SERPINB3: variants seen among roughly 807,000 people sequenced by gnomAD.
SERPINB3 encodes the protein serpin B3.
Under a neutral mutation model 33.0 loss-of-function variants are expected in SERPINB3, and 33 were observed. The ratio of observed to expected loss-of-function variants is 1.00; its 90% CI spans 0.76 to 1.34. SERPINB3 has a LOEUF of 1.34. Among genes scored for constraint, SERPINB3 ranks in the 40% most tolerant of loss-of-function variants. SERPINB3 has a pLI of 0.00. For synonymous variants in SERPINB3, 200 were observed against 170.9 expected (o/e 1.17, Z -1.33); for missense variants, 518 against 461.5 (o/e 1.12, Z -1.12).
chr18:63,656,207 T>C (rs951872446), intron 7 of SERPINB3, 146 bp from the exon 8 acceptor site: 11 of 982,594 alleles, frequency 1.1e-5, no homozygotes, highest in African/African-American at 1.7e-5. Flanking sequence ...ATTATTCTAA[T>C]AGGCAAAATA....
chr18:63,658,293 CG>C (rs1913550416), intron 5 of SERPINB3, among the ~76,000 whole-genome samples: 2 of 152,056 alleles, frequency 1.3e-5, no homozygotes, highest in African/African-American at 4.8e-5. Context: ...AAGAATCCTC[CG>C]GCTATGTTTT....
At chr18:63,657,208 T>C in intron 6 of SERPINB3, 62 bp downstream of exon 6, 1 of 990,050 alleles carries the variant, frequency 1.0e-6, no homozygotes, top group Middle Eastern at 3.0e-4. Context: ...CATGGTACAT[T>C]CCATCAGAAA....
rs367779002 is a variant in SERPINB3, at chr18:63,661,035, A to C, written c.165+17T>G. The C allele has an allele frequency of 7.4e-6, 12 of 1,613,326 alleles. No individual in the cohort carries two copies. The highest frequency in any genetic ancestry group is 1.0e-5 in the Non-Finnish European group (12 of 1,179,534). The stretch of plus-strand genomic sequence containing the variant: ...AGAAAAACTGCAACAGGACAACATA[A>C]TGATGCTGATAGCTACCTTCTTAAT... On this transcript the variant is annotated intron_variant, in intron 2 of 7. Transcript: ENST00000283752.
intron 3 of SERPINB3, 47 bp from the exon 4 acceptor site, chr18:63,659,574 A>C: frequency 6.2e-7 from 1 of 1,612,326 alleles, no homozygotes; most frequent in Non-Finnish European, 8.5e-7. Context: ...TATCAATGTA[A>C]ATACTAAACC....
chr18:63,657,036 A>G (rs1913516902), intron 6 of SERPINB3, 50 bp from the exon 7 acceptor site: 1 of 1,492,974 alleles, frequency 6.7e-7, no homozygotes, highest in African/African-American at 1.4e-5. Flanking sequence ...CACAAGGCAA[A>G]AAGATAATAT....
intron 4 of SERPINB3, 123 bp from the exon 5 acceptor site, chr18:63,658,753 T>G: frequency 2.8e-6 from 2 of 723,672 alleles, no homozygotes; most frequent in Non-Finnish European, 4.5e-6. Flanking sequence ...CAGTATCTCC[T>G]GTCCATGCAT....
At position 63,660,765 on chromosome 18, in the gene SERPINB3, G is replaced by A. The variant is rs528109069; in HGVS notation, c.222+35C>T. ...AGGTTCAAACTATGACCTGTTCGGGGATCTAAAGCTGAACCATAGTGCTCT... is the reference window on the plus strand; with the variant it reads ...AGGTTCAAACTATGACCTGTTCGGGAATCTAAAGCTGAACCATAGTGCTCT... On this transcript the variant is annotated intron_variant, in intron 3 of 7. Transcript: ENST00000283752. 1.2e-5 allele frequency: 20 copies of A among 1,612,810 alleles called. No individual in the cohort carries two copies. The East Asian group carries it at 4.0e-4, about 32-fold the overall frequency.
intron 4 of SERPINB3, 163 bp downstream of exon 4, chr18:63,659,236 C>T: frequency 1.4e-6 from 1 of 726,816 alleles, no homozygotes; most frequent in Non-Finnish European, 2.4e-6. Context: ...GGGTCTGGGA[C>T]ACTCCAGTGG....
In SERPINB3 at chr18:63,657,379, A is replaced by G. The variant is rs1431069139; in HGVS notation, c.503T>C (p.Ile168Thr). 2 of 1,609,230 alleles carry G rather than the reference A, an allele frequency of 1.2e-6. No individual in the cohort carries two copies. The highest frequency in any genetic ancestry group is 1.7e-4 in the Middle Eastern group (1 of 6,038). The change falls in exon 6 of 8, where the codon ATT becomes ACT. Residue 168 changes from isoleucine to threonine, a missense_variant. Coordinates refer to ENST00000283752, the MANE Select transcript of SERPINB3 (RefSeq NM_006919.3). ...AAGAACCAATGTGGTATTGCTGCCA[A>G]TATTACCTTCAGGAATTAGGTTTTT... ...KIKNLIPEGN[I>T]GSNTTLVLVN...
rs1230423086 is a variant in SERPINB3, at chr18:63,661,224, T to G, written c.-8A>C. 2 of 1,612,912 alleles carry G rather than the reference T, an allele frequency of 1.2e-6. No homozygotes were observed. The highest frequency in any genetic ancestry group is 2.2e-5 in the South Asian group (2 of 90,940). On this transcript the variant is annotated 5_prime_UTR_variant, in exon 2 of 8. Transcript: ENST00000283752. ...TTCACTGAGTGAATTCATGGTGAACTCGATGTGATCTGGAACTCCTGGAAA... is the reference window on the plus strand; with the variant it reads ...TTCACTGAGTGAATTCATGGTGAACGCGATGTGATCTGGAACTCCTGGAAA...
Position 63,658,460 on chromosome 18 carries a change from G to T in SERPINB3, c.469+53C>A, listed in dbSNP as rs117172480. ...TCCCCCATGCAGTTTCAGGCATAGG[G>T]CTCACTCGCATAGATTTCTCAAAGG... is the stretch of plus-strand genomic sequence containing the variant. On this transcript the variant is annotated intron_variant, in intron 5 of 7. Transcript: ENST00000283752. 9.5e-3 allele frequency: 14,129 copies of T among 1,480,386 alleles called. 104 individuals carry two copies. The highest frequency in any genetic ancestry group is 0.029 in the South Asian group (2,567 of 87,182). The allele number at this position is 1,480,386 out of a possible 1,614,324, so 91.7% of individuals were successfully genotyped here.
At chr18:63,656,146 C>G in intron 7 of SERPINB3, 85 bp from the exon 8 acceptor site, 3 of 1,469,062 alleles carry the variant, frequency 2.0e-6, no homozygotes, top group Admixed American at 4.8e-5. Flanking sequence ...GTGGAGAATC[C>G]TTATTTTGGC....
rs760631782 is a variant in SERPINB3, at chr18:63,661,151, T to C, written c.66A>G (p.Ser22=). 4 of 1,613,558 alleles carry C rather than the reference T, an allele frequency of 2.5e-6. No homozygotes were observed. Among genetic ancestry groups the C allele is most frequent in the African/African-American group, 2.7e-5 (2 of 74,896 alleles). The part of the protein sequence containing the change: ...MFDLFQQFRK[S]KENNIFYSPI... Reference sequence around the variant, plus strand: ...GGGAATAGAAGATGTTGTTCTCTTTTGATTTTCTGAACTGTTGGAACAGGT... The same window carrying C: ...GGGAATAGAAGATGTTGTTCTCTTTCGATTTTCTGAACTGTTGGAACAGGT... Residue 22 remains serine (S), a synonymous_variant, in exon 2 of 8, where the codon TCA becomes TCG. Coordinates refer to ENST00000283752, the MANE Select transcript of SERPINB3 (RefSeq NM_006919.3).
rs753601402 is a variant in SERPINB3 at position 63,655,928 on chromosome 18, G to T, written c.902C>A (p.Thr301Asn). Reference protein sequence around the residue: ...ESYDLKDTLRTMGMVDIFNGD... With the variant: ...ESYDLKDTLRNMGMVDIFNGD... ...ATTGAAGATATCCACCATTCCCATG[G>T]TTCTCAACGTGTCCTTGAGGTCATA... The change falls in exon 8 of 8, where the codon ACC becomes AAC. Residue 301 changes from threonine (T) to asparagine (N), a missense_variant. Transcript: ENST00000283752. The T allele has an allele frequency of 3.1e-6, 5 of 1,613,966 alleles. No homozygotes were observed. The highest frequency in any genetic ancestry group is 4.2e-6 in the Non-Finnish European group (5 of 1,179,936).
chr18:63,655,798 T>C lies in SERPINB3; in HGVS notation c.1032A>G (p.Ala344=). 6.2e-7 allele frequency: 1 copy of C among 1,613,996 alleles called. No individual in the cohort carries two copies. The highest frequency in any genetic ancestry group is 2.2e-5 in the East Asian group (1 of 44,864). The change falls in exon 8 of 8, where the codon GCA becomes GCG. Residue 344 remains alanine (A), a synonymous_variant. Transcript: ENST00000283752. ...VEVTEEGAEA[A]AATAVVGFGS... ...CGAATCCTACTACAGCGGTGGCAGCTGCAGCTTCTGCTCCCTCCTCTGTAA... is the reference window on the plus strand; with the variant it reads ...CGAATCCTACTACAGCGGTGGCAGCCGCAGCTTCTGCTCCCTCCTCTGTAA...
At chr18:63,656,106 T>A in intron 7 of SERPINB3, 45 bp from the exon 8 acceptor site, 1 of 1,584,584 alleles carries the variant, frequency 6.3e-7, no homozygotes, top group Non-Finnish European at 8.6e-7. Context: ...ACTGTTGATT[T>A]CTAATACACC....
rs1913633097 is a variant in SERPINB3 at position 63,661,120 on chromosome 18, T to C, written c.97A>G (p.Ser33Gly). The stretch of plus-strand genomic sequence containing the variant: ...ACCATCCCTAATGCTGATGTGATGC[T>C]GATAGGGGAATAGAAGATGTTGTTC... Reference protein sequence around the residue: ...KENNIFYSPISITSALGMVLL... With the variant: ...KENNIFYSPIGITSALGMVLL... Residue 33 changes from serine (S) to glycine (G), a missense_variant, in exon 2 of 8, where the codon AGC (serine) becomes GGC (glycine). Coordinates refer to ENST00000283752, the MANE Select transcript of SERPINB3 (RefSeq NM_006919.3). 6.2e-7 allele frequency: 1 copy of C among 1,613,704 alleles called. No individual in the cohort carries two copies. Among genetic ancestry groups the C allele is most frequent in the South Asian group, 1.1e-5 (1 of 91,076 alleles).
intron 4 of SERPINB3, among the ~76,000 whole-genome samples, chr18:63,658,899 C>T (rs1211769074): frequency 6.6e-6 from 1 of 152,180 alleles, no homozygotes; most frequent in African/African-American, 2.4e-5. Flanking sequence ...GCAGAGCAGG[C>T]TTCCCTGAAG....
intron 3 of SERPINB3, among the ~76,000 whole-genome samples, chr18:63,659,997 G>A (rs1005105661): frequency 2.1e-4 from 32 of 152,284 alleles, no homozygotes; most frequent in African/African-American, 6.7e-4. Flanking sequence ...ATCTGTGACT[G>A]TTTCCTCATG....
Sources: gnomAD v4.1 joint callset for allele counts (sites outside exome capture counted in the v4.1 genomes callset) on GRCh38, gnomAD v4.1.1 for gene constraint, MANE v1.5 for transcripts, NCBI Gene and HGNC (gene_info 2026-07-23, HGNC 2026-07-21) for gene names.